Variants in ARHGEF3 observed in about 807,000 individuals in gnomAD.
The protein encoded by ARHGEF3 is 59.8 kDA protein.
A neutral mutation model predicts 63.2 loss-of-function variants in ARHGEF3; 28 were observed. The ratio of observed to expected loss-of-function variants is 0.44; its 90% CI spans 0.33 to 0.61. The LOEUF is 0.61. ARHGEF3 is among the 20% of genes least tolerant of loss of function. The pLI, the probability that ARHGEF3 is intolerant of heterozygous loss-of-function variation, is 0.03. For missense variants in ARHGEF3, 533 were observed against 659.3 expected, an observed-to-expected ratio of 0.81 and a Z score of 2.10; for synonymous variants, 266 against 254.2, an observed-to-expected ratio of 1.05 and a Z score of -0.44.
chr3:56,879,457 A>C (rs1313253007), intron 4 of ARHGEF3, among the ~76,000 whole-genome samples: 3 of 152,210 alleles, frequency 2.0e-5, no homozygotes, highest in Non-Finnish European at 4.4e-5. Flanking sequence ...TGTATCTAGC[A>C]TTGGGCTGGG....
intron 1 of ARHGEF3, among the ~76,000 whole-genome samples, chr3:57,053,608 CAT>C (rs1017384450): frequency 4.6e-5 from 7 of 152,190 alleles, no homozygotes; most frequent in Non-Finnish European, 1.0e-4. Context: ...CAAATCAAAA[CAT>C]ATAAAACAGT....
At chr3:56,956,359 C>T (rs1365851291) in intron 3 of ARHGEF3, among the ~76,000 whole-genome samples, 1 of 152,074 alleles carries the variant, frequency 6.6e-6, no homozygotes, top group Non-Finnish European at 1.5e-5. Flanking sequence ...CCTGCCTAAT[C>T]TTCCTGAGTC....
chr3:56,934,357 C>G (rs1578878221), intron 3 of ARHGEF3, among the ~76,000 whole-genome samples: 1 of 152,386 alleles, frequency 6.6e-6, no homozygotes, highest in East Asian at 1.9e-4. Context: ...TGGGCTCCCA[C>G]TTTGGCAGCA....
intron 2 of ARHGEF3, among the ~76,000 whole-genome samples, chr3:56,993,574 T>G (rs568657904): frequency 6.6e-6 from 1 of 151,514 alleles, no homozygotes; most frequent in African/African-American, 2.4e-5. Context: ...GGTGTCTCCC[T>G]ATGTTGCCCA....
At chr3:57,033,730 C>A in intron 2 of ARHGEF3, among the ~76,000 whole-genome samples, 1 of 152,112 alleles carries the variant, frequency 6.6e-6, no homozygotes, top group Non-Finnish European at 1.5e-5. Flanking sequence ...CAAGGAAAAT[C>A]TATTTATTTA....
chr3:56,773,058 T>C (rs999450708), intron 2 of ARHGEF3, among the ~76,000 whole-genome samples: 1 of 152,110 alleles, frequency 6.6e-6, no homozygotes, highest in African/African-American at 2.4e-5. Context: ...AAGGGCCAGA[T>C]GGTAAATATT....
intron 4 of ARHGEF3, among the ~76,000 whole-genome samples, chr3:56,820,990 C>CAA (rs3034858): frequency 0.12 from 16,388 of 131,738 alleles, 1,131 homozygotes; most frequent in East Asian, 0.23. Flanking sequence ...TCCACCTCTA[C>CAA]AAAAAAAAAA....
intron 2 of ARHGEF3, among the ~76,000 whole-genome samples, chr3:56,976,919 G>A (rs140765224): frequency 3.8e-4 from 58 of 152,150 alleles, no homozygotes; most frequent in Non-Finnish European, 6.0e-4. Flanking sequence ...CCTCAATGAC[G>A]GCTAAAAAAA....
intron 3 of ARHGEF3, among the ~76,000 whole-genome samples, chr3:56,908,847 C>A (rs1031810535): frequency 6.6e-6 from 1 of 152,108 alleles, no homozygotes; most frequent in Non-Finnish European, 1.5e-5. Context: ...ACCCAGCAAT[C>A]CCATTACTGG....
chr3:56,838,768 T>C (rs1368251793), intron 4 of ARHGEF3, among the ~76,000 whole-genome samples: 2 of 152,048 alleles, frequency 1.3e-5, no homozygotes, highest in African/African-American at 4.8e-5. Flanking sequence ...TACCAAGAGA[T>C]CAACACACTA....
chr3:56,914,126 G>T (rs1012475918), intron 3 of ARHGEF3, among the ~76,000 whole-genome samples: 2 of 152,178 alleles, frequency 1.3e-5, no homozygotes, highest in African/African-American at 2.4e-5. Context: ...GGACTTGAGG[G>T]GAAGGGTGAG....
chr3:56,749,670 T>C (rs1277226531), intron 6 of ARHGEF3, among the ~76,000 whole-genome samples: 2 of 152,336 alleles, frequency 1.3e-5, no homozygotes, highest in Non-Finnish European at 2.9e-5. Context: ...CTACGATGGC[T>C]CATAATAAAA....
intron 1 of ARHGEF3, among the ~76,000 whole-genome samples, chr3:57,042,663 TATATATATATATATATATATA>T (rs1704238571): frequency 9.2e-4 from 5 of 5,434 alleles, no homozygotes; most frequent in African/African-American, 2.4e-3. Flanking sequence ...TATATATATA[TATATATATATATATATATATA>T]TATATATATA....
At chr3:56,949,148 T>G (rs1393627808) in intron 3 of ARHGEF3, among the ~76,000 whole-genome samples, 1 of 151,830 alleles carries the variant, frequency 6.6e-6, no homozygotes, top group Non-Finnish European at 1.5e-5. Flanking sequence ...AAGAGCTATC[T>G]ATGACAAACC....
chr3:57,067,809 C>T (rs190801020), intron 1 of ARHGEF3, among the ~76,000 whole-genome samples: 9 of 142,826 alleles, frequency 6.3e-5, no homozygotes, highest in African/African-American at 2.1e-4. Flanking sequence ...GAAACCCCGT[C>T]TCTACTAAAA....
At chr3:56,900,078 G>A (rs193163004) in intron 3 of ARHGEF3, among the ~76,000 whole-genome samples, 58 of 152,290 alleles carry the variant, frequency 3.8e-4, no homozygotes, top group Admixed American at 3.8e-3. Context: ...AACGGGAAGT[G>A]AAGGCTGATG....
intron 1 of ARHGEF3, among the ~76,000 whole-genome samples, chr3:56,795,183 C>T (rs140516758): frequency 2.0e-4 from 30 of 152,236 alleles, no homozygotes; most frequent in Middle Eastern, 3.4e-3. Context: ...GGATGTGGAA[C>T]GAGTGGATAC....
intron 4 of ARHGEF3, among the ~76,000 whole-genome samples, chr3:56,812,097 T>C (rs1251747892): frequency 6.6e-6 from 1 of 152,186 alleles, no homozygotes; most frequent in Non-Finnish European, 1.5e-5. Context: ...TCATATTTGT[T>C]GAAATGAAAA....
At chr3:56,901,972 C>T (rs1029836599) in intron 3 of ARHGEF3, among the ~76,000 whole-genome samples, 1 of 152,170 alleles carries the variant, frequency 6.6e-6, no homozygotes, top group Admixed American at 6.5e-5. Context: ...CCAAAAGGCA[C>T]ATCATAGCCC....
Sources: gnomAD v4.1 joint callset for allele counts (sites outside exome capture counted in the v4.1 genomes callset) on GRCh38, gnomAD v4.1.1 for gene constraint, MANE v1.5 for transcripts, NCBI Gene and HGNC (gene_info 2026-07-23, HGNC 2026-07-21) for gene names.